EFR3B: variants seen among roughly 807,000 people sequenced by gnomAD.
EFR3B encodes the protein protein EFR3 homolog B.
EFR3B carries 64 observed loss-of-function variants against 104.7 expected under a neutral mutation model. The observed-to-expected ratio is 0.61, with a 90% CI of 0.50 to 0.75. The LOEUF (loss-of-function observed/expected upper bound fraction) is 0.75. Ranked by LOEUF, EFR3B falls within the 30% of genes least tolerant of loss-of-function variation. The probability of loss-of-function intolerance (pLI) is 0.00; values close to 1 mark genes in which losing one functional copy is unlikely to be tolerated. For missense variants in EFR3B, 750 were observed against 1,078.5 expected, an observed-to-expected ratio of 0.70 and a Z score of 4.27; for synonymous variants, 385 against 417.9, an observed-to-expected ratio of 0.92 and a Z score of 0.96.
chr2:25,050,294 G>T (rs1331481419), intron 1 of EFR3B, among the ~76,000 whole-genome samples: 1 of 152,152 alleles, frequency 6.6e-6, no homozygotes. Context: ...GTGGTGGGAG[G>T]TGATGTGAAA....
chr2:25,135,382 G>C (rs1437251381), intron 12 of EFR3B, 85 bp from the exon 13 acceptor site: 3 of 1,479,870 alleles, frequency 2.0e-6, no homozygotes, highest in Non-Finnish European at 2.7e-6. Flanking sequence ...CATCAGACCT[G>C]ACTTCCTCTG....
intron 1 of EFR3B, among the ~76,000 whole-genome samples, chr2:25,069,220 A>G (rs1291984349): frequency 6.6e-6 from 1 of 152,084 alleles, no homozygotes; most frequent in East Asian, 1.9e-4. Context: ...TACTGGAGTC[A>G]CTTTCTAAGT....
intron 1 of EFR3B, among the ~76,000 whole-genome samples, chr2:25,044,813 C>A (rs1316027329): frequency 2.6e-5 from 4 of 152,196 alleles, no homozygotes; most frequent in Non-Finnish European, 5.9e-5. Flanking sequence ...ATCCCTCCCC[C>A]TCCTCACCCT....
At chr2:25,111,370 T>G (rs896879909) in intron 4 of EFR3B, among the ~76,000 whole-genome samples, 23 of 150,896 alleles carry the variant, frequency 1.5e-4, no homozygotes, top group Admixed American at 1.2e-3. Context: ...CGCCCATTTC[T>G]CCCTGGGATC....
At chr2:25,112,540 G>A (rs1409061826) in intron 4 of EFR3B, among the ~76,000 whole-genome samples, 1 of 152,252 alleles carries the variant, frequency 6.6e-6, no homozygotes, top group Non-Finnish European at 1.5e-5. Flanking sequence ...GTTAAGATGG[G>A]ATGGACTGTG....
At chr2:25,139,753 A>G (rs551896508) in intron 16 of EFR3B, among the ~76,000 whole-genome samples, 2 of 152,300 alleles carry the variant, frequency 1.3e-5, no homozygotes, top group African/African-American at 4.8e-5. Flanking sequence ...AATTTTAAAT[A>G]CTTTAAACAA....
chr2:25,117,112 G>C (rs551610701), intron 4 of EFR3B, among the ~76,000 whole-genome samples: 1 of 152,260 alleles, frequency 6.6e-6, no homozygotes, highest in East Asian at 1.9e-4. Flanking sequence ...TGGTGTCCCC[G>C]TTCCACCAGG....
intron 1 of EFR3B, among the ~76,000 whole-genome samples, chr2:25,072,801 C>CTTCTTGCAGCCAAG (rs1416779450): frequency 1.3e-5 from 2 of 152,142 alleles, no homozygotes. Context: ...GCCTTGGGGC[C>CTTCTTGCAGCCAAG]CACAGGACTG....
chr2:25,109,665 G>A (rs1293140251), intron 4 of EFR3B, among the ~76,000 whole-genome samples: 1 of 152,178 alleles, frequency 6.6e-6, no homozygotes, highest in Non-Finnish European at 1.5e-5. Context: ...TATTCAGTTA[G>A]GTAAATCTGT....
At chr2:25,149,784 G>A (rs1265467057) in intron 20 of EFR3B, 42 bp downstream of exon 20, 2 of 1,537,902 alleles carry the variant, frequency 1.3e-6, no homozygotes, top group Non-Finnish European at 1.8e-6. Context: ...GGCAAAATGG[G>A]GTGGGGTCCT....
At chr2:25,067,385 A>G (rs1032696498) in intron 1 of EFR3B, among the ~76,000 whole-genome samples, 3 of 151,628 alleles carry the variant, frequency 2.0e-5, no homozygotes, top group Non-Finnish European at 2.9e-5. Context: ...ACACAAATGG[A>G]ATCATATCAT....
At chr2:25,129,881 G>T in intron 6 of EFR3B, 94 bp from the exon 7 acceptor site, 3 of 1,474,136 alleles carry the variant, frequency 2.0e-6, no homozygotes, top group Non-Finnish European at 2.7e-6. Flanking sequence ...ATTCCTGCTT[G>T]TCTTGTGTGG....
In EFR3B at chr2:25,120,827, C is replaced by T. The variant is rs113708536; in HGVS notation, c.364-846C>T. Among the ~76,000 whole-genome samples, 280 of 152,264 alleles carry T rather than the reference C, an allele frequency of 1.8e-3. 2 individuals are homozygous for T. Among genetic ancestry groups the T allele is most frequent in the Middle Eastern group, 3.4e-3 (1 of 294 alleles). On this transcript the variant is annotated intron_variant, in intron 4 of 22. Coordinates refer to ENST00000403714, the MANE Select transcript of EFR3B (RefSeq NM_014971.2). ...GGAGGAATCTAGCTGCCCAGGATGC[C>T]GATCAAGACCTACTGAACTGAAATG...
In EFR3B at chr2:25,131,409, C is replaced by T. The variant is rs1670328486; in HGVS notation, c.891C>T (p.His297=). 1 of 1,550,952 alleles carries T rather than the reference C, an allele frequency of 6.4e-7. No homozygotes were observed. The highest frequency in any genetic ancestry group is 8.7e-7 in the Non-Finnish European group (1 of 1,146,868). The change falls in exon 9 of 23, where the codon CAC becomes CAT. Residue 297 remains histidine, a synonymous_variant. Transcript: ENST00000403714. The surrounding 1 kb of genome is among the most constrained non-coding windows in gnomAD (Gnocchi z 7.6). ...SHLVIQQLLG[H]LDANSRSAAT... ...TGGTCATCCAGCAGCTCCTGGGCCA[C>T]CTGGACGCCAACAGCCGCAGCGCTG...
chr2:25,093,174 A>G, intron 3 of EFR3B, 44 bp downstream of exon 3: 1 of 1,544,414 alleles, frequency 6.5e-7, no homozygotes, highest in Non-Finnish European at 8.8e-7. Flanking sequence ...CAGGAACTAT[A>G]TTGTTAGGCT....
intron 1 of EFR3B, among the ~76,000 whole-genome samples, chr2:25,090,021 A>G (rs1669068872): frequency 6.6e-6 from 1 of 150,786 alleles, no homozygotes; most frequent in Non-Finnish European, 1.5e-5. Context: ...CCCAATCAAA[A>G]CTCCCAAAGA....
intron 4 of EFR3B, among the ~76,000 whole-genome samples, chr2:25,117,944 G>A (rs982809237): frequency 3.9e-5 from 6 of 152,064 alleles, no homozygotes; most frequent in Non-Finnish European, 5.9e-5. Flanking sequence ...CTCTGCTTCT[G>A]CAAGCTTGAC....
rs528210291 is a variant in EFR3B at position 25,087,565 on chromosome 2, C to T, written c.8-3760C>T. ...CACAATCTCAGCTCACTGCAGCCTC[C>T]GGGTTCAAGTGATTCTCCTGCCTCA... is the stretch of plus-strand genomic sequence containing the variant. On this transcript the variant is annotated intron_variant, in intron 1 of 22. Coordinates refer to ENST00000403714, the MANE Select transcript of EFR3B (RefSeq NM_014971.2). Among the ~76,000 whole-genome samples the T allele has an allele frequency of 3.3e-5, 5 of 151,748 alleles. No individual in the cohort carries two copies. In the East Asian group the frequency reaches 5.8e-4, roughly 18 times the overall value.
intron 1 of EFR3B, among the ~76,000 whole-genome samples, chr2:25,073,495 C>T (rs888796992): frequency 9.9e-5 from 15 of 151,922 alleles, no homozygotes; most frequent in Non-Finnish European, 8.8e-5. Flanking sequence ...ATAGCTGGGA[C>T]TACAGGTGTG....
Sources: gnomAD v4.1 joint callset for allele counts (sites outside exome capture counted in the v4.1 genomes callset) on GRCh38, gnomAD v4.1.1 for gene constraint, Gnocchi (gnomAD v3.1) non-coding constraint, MANE v1.5 for transcripts, NCBI Gene and HGNC (gene_info 2026-07-23, HGNC 2026-07-21) for gene names.